Variants in CABIN1 observed in about 807,000 individuals in gnomAD.
CABIN1 encodes calcineurin-binding protein cabin-1.
Under a neutral mutation model 227.7 loss-of-function variants are expected in CABIN1, and 133 were observed. The ratio of observed to expected loss-of-function variants is 0.58; its 90% CI spans 0.51 to 0.67. The LOEUF (loss-of-function observed/expected upper bound fraction) is 0.67. Ranked by LOEUF, CABIN1 falls within the 30% of genes least tolerant of loss-of-function variation. The pLI, the probability that CABIN1 is intolerant of heterozygous loss-of-function variation, is 0.00. For synonymous variants in CABIN1, 1,086 were observed against 1,155.1 expected (o/e 0.94, Z 1.21); for missense variants, 2,408 against 2,852.5 (o/e 0.84, Z 3.55).
chr22:24,134,882 A>T (rs1307387882), intron 29 of CABIN1, among the ~76,000 whole-genome samples: 3 of 151,864 alleles, frequency 2.0e-5, no homozygotes, highest in African/African-American at 7.3e-5. Flanking sequence ...GTTCGAGACC[A>T]GCCTGGCCAA....
chr22:24,092,069 T>G, intron 24 of CABIN1: 1 of 611,550 alleles, frequency 1.6e-6, no homozygotes, highest in East Asian at 2.8e-5. Flanking sequence ...TTCTTATCTC[T>G]CAGAAGAAAA....
Position 24,087,537 on chromosome 22 carries a change from C to CCCA in CABIN1, c.3350_3352dup (p.Pro1117_Ile1118insThr). The CCCA allele has an allele frequency of 6.2e-7, 1 of 1,614,208 alleles. No individual in the cohort carries two copies. Among genetic ancestry groups the CCCA allele is most frequent in the Non-Finnish European group, 8.5e-7 (1 of 1,180,044 alleles). On this transcript the variant is annotated inframe_insertion, in exon 23 of 37. Coordinates refer to ENST00000263119, the MANE Select transcript of CABIN1 (RefSeq NM_012295.4). Reference sequence around the variant, plus strand: ...CTCCAATGAGCTGAAGAGTGATGGGCCCATTTGGAAGCATGCCACGCCCGT... The same window carrying CCCA: ...CTCCAATGAGCTGAAGAGTGATGGGCCCACCATTTGGAAGCATGCCACGCCCGT...
chr22:24,105,294 G>A (rs1346413077), intron 26 of CABIN1, among the ~76,000 whole-genome samples: 1 of 152,196 alleles, frequency 6.6e-6, no homozygotes, highest in Non-Finnish European at 1.5e-5. Flanking sequence ...ATAAGCACTT[G>A]GCTGGCAGAC....
chr22:24,174,544 G>A (rs1258072807), intron 34 of CABIN1, among the ~76,000 whole-genome samples: 12 of 152,058 alleles, frequency 7.9e-5, no homozygotes, highest in Admixed American at 7.2e-4. Context: ...CTCTGCCTGG[G>A]GCTGTCTTGC....
At chr22:24,071,223 T>C in intron 17 of CABIN1, 181 bp downstream of exon 17, 1 of 788,178 alleles carries the variant, frequency 1.3e-6, no homozygotes, top group Non-Finnish European at 2.1e-6. Flanking sequence ...CAAACCTTCC[T>C]GGGGCTGGTC....
At chr22:24,060,777 A>G (rs1157598911) in intron 12 of CABIN1, among the ~76,000 whole-genome samples, 1 of 151,968 alleles carries the variant, frequency 6.6e-6, no homozygotes, top group Non-Finnish European at 1.5e-5. Context: ...ACACCCGGTT[A>G]TAGTCCCAGC....
intron 15 of CABIN1, among the ~76,000 whole-genome samples, chr22:24,064,512 GTTT>G (rs782268156): frequency 1.9e-5 from 2 of 106,878 alleles, no homozygotes; most frequent in African/African-American, 7.3e-5. Context: ...CAGCTGAAAG[GTTT>G]TTTTTTTTTT....
Position 24,171,835 on chromosome 22 carries a change from T to C in CABIN1, c.5880T>C (p.Ser1960=). 1 of 1,614,116 alleles carries C rather than the reference T, an allele frequency of 6.2e-7. No homozygotes were observed. Among genetic ancestry groups the C allele is most frequent in the Non-Finnish European group, 8.5e-7 (1 of 1,180,040 alleles). ...PVPADSVQRP[S]DAHTKPRPAL... ...CAGCTGACTCTGTCCAGCGGCCCAG[T>C]GATGCTCACACCAAGCCTCGCCCTG... is the stretch of plus-strand genomic sequence containing the variant. Residue 1960 remains serine, a synonymous_variant, in exon 34 of 37, where the codon AGT becomes AGC. Transcript: ENST00000263119.
chr22:24,085,042 C>G lies in CABIN1; in HGVS notation c.3154C>G (p.Pro1052Ala). Residue 1052 changes from proline (P) to alanine (A), a missense_variant, in exon 22 of 37, where the codon CCA becomes GCA. By Grantham distance (27) the Pro-to-Ala change is conservative (BLOSUM62 -1). Transcript: ENST00000263119. The part of the protein sequence containing the change: ...CLPEGADPSP[P>A]VVNELYYLLA... ...CCCAGAGGGGGCTGACCCCTCCCCT[C>G]CAGTGGTGAACGAGCTTTACTACCT... The G allele has an allele frequency of 6.2e-7, 1 of 1,614,224 alleles. No individual in the cohort carries two copies.
intron 15 of CABIN1, among the ~76,000 whole-genome samples, chr22:24,066,417 G>C (rs1016953134): frequency 6.6e-6 from 1 of 152,256 alleles, no homozygotes; most frequent in Admixed American, 6.5e-5. Context: ...TATATGCCAA[G>C]TTCCACCCAG....
intron 29 of CABIN1, among the ~76,000 whole-genome samples, chr22:24,157,023 C>CT (rs944880827): frequency 5.9e-5 from 9 of 152,162 alleles, no homozygotes; most frequent in Non-Finnish European, 1.0e-4. Flanking sequence ...CGGGGAATCC[C>CT]TTGCCCTCAG....
At chr22:24,159,999 C>T (rs1285066498) in intron 29 of CABIN1, among the ~76,000 whole-genome samples, 2 of 152,120 alleles carry the variant, frequency 1.3e-5, no homozygotes, top group Non-Finnish European at 2.9e-5. Flanking sequence ...GGGAGGCTGC[C>T]AATTTCTTGT....
chr22:24,067,911 C>T (rs1384446783), intron 16 of CABIN1, among the ~76,000 whole-genome samples: 1 of 152,092 alleles, frequency 6.6e-6, no homozygotes, highest in African/African-American at 2.4e-5. Context: ...TGAGTTGGCA[C>T]CGAGATAAAC....
intron 15 of CABIN1, among the ~76,000 whole-genome samples, chr22:24,066,047 A>G (rs1334874679): frequency 6.6e-6 from 1 of 150,472 alleles, no homozygotes; most frequent in Non-Finnish European, 1.5e-5. Flanking sequence ...GACCGTAGGG[A>G]GAGGGAGAGG....
At position 24,056,247 on chromosome 22, in the gene CABIN1, A is replaced by G. The variant is rs772581473; in HGVS notation, c.1149A>G (p.Ser383=). The change falls in exon 10 of 37, where the codon TCA becomes TCG. Residue 383 remains serine, a synonymous_variant. Transcript: ENST00000263119. ...SKKGVKRKKI[S]EESGETAKRR... Reference sequence around the variant, plus strand: ...AAGGGGTAAAACGGAAGAAGATTTCAGAAGAGAGTGGAGAAACAGCAAAGC... The same window carrying G: ...AAGGGGTAAAACGGAAGAAGATTTCGGAAGAGAGTGGAGAAACAGCAAAGC... The G allele has an allele frequency of 6.2e-7, 1 of 1,614,094 alleles. No individual in the cohort carries two copies. Among genetic ancestry groups the G allele is most frequent in the Non-Finnish European group, 8.5e-7 (1 of 1,179,956 alleles).
chr22:24,077,318 C>T (rs189501225), intron 19 of CABIN1, among the ~76,000 whole-genome samples: 96 of 152,298 alleles, frequency 6.3e-4, no homozygotes, highest in African/African-American at 2.3e-3. Flanking sequence ...GTTTTGTTCA[C>T]TGCTGGATCC....
intron 23 of CABIN1, among the ~76,000 whole-genome samples, chr22:24,088,312 T>TA (rs1403007673): frequency 3.3e-5 from 5 of 152,198 alleles, no homozygotes; most frequent in African/African-American, 1.2e-4. Context: ...TTACCGTCTT[T>TA]AAAAAAATTA....
intron 34 of CABIN1, among the ~76,000 whole-genome samples, chr22:24,175,227 A>G (rs935842589): frequency 6.6e-6 from 1 of 152,202 alleles, no homozygotes; most frequent in Non-Finnish European, 1.5e-5. Flanking sequence ...AGCCTGGGGC[A>G]GGAGCCTCAG....
chr22:24,041,854 G>GGCTCA (rs756822153), intron 5 of CABIN1, among the ~76,000 whole-genome samples: 15 of 152,208 alleles, frequency 9.9e-5, no homozygotes, highest in Admixed American at 2.0e-4. Context: ...AGGAAATGGA[G>GGCTCA]GCTCAGGATC....
Sources: gnomAD v4.1 joint callset for allele counts (sites outside exome capture counted in the v4.1 genomes callset) on GRCh38, gnomAD v4.1.1 for gene constraint, MANE v1.5 for transcripts, NCBI Gene and HGNC (gene_info 2026-07-23, HGNC 2026-07-21) for gene names.